Variants in NOD1 observed in about 807,000 individuals in gnomAD.
NOD1 encodes nucleotide-binding oligomerization domain-containing protein 1.
NOD1 carries 70 observed loss-of-function variants against 81.2 expected under a neutral mutation model. The observed-to-expected ratio is 0.86, with a 90% CI of 0.71 to 1.05. The LOEUF is 1.05. Among genes scored for constraint, NOD1 ranks in the 50% least tolerant of loss-of-function variants. The probability of loss-of-function intolerance (pLI) is 0.00; values close to 1 mark genes in which losing one functional copy is unlikely to be tolerated. For synonymous variants in NOD1, 508 were observed against 526.9 expected, an observed-to-expected ratio of 0.96 and a Z score of 0.49; for missense variants, 1,233 against 1,228.0, an observed-to-expected ratio of 1.00 and a Z score of -0.06.
intron 6 of NOD1, among the ~76,000 whole-genome samples, chr7:30,450,217 A>T (rs1190638324): frequency 6.6e-6 from 1 of 151,966 alleles, no homozygotes; most frequent in African/African-American, 2.4e-5. Context: ...AAAGATGGAC[A>T]GAGGGTGGCA....
chr7:30,430,950 G>A (rs1168301169), intron 12 of NOD1, among the ~76,000 whole-genome samples: 2 of 152,238 alleles, frequency 1.3e-5, no homozygotes, highest in Non-Finnish European at 2.9e-5. Flanking sequence ...TGGGCACCAA[G>A]TTCTGTATTC....
intron 10 of NOD1, among the ~76,000 whole-genome samples, chr7:30,436,995 C>A (rs1784433389): frequency 6.6e-6 from 1 of 152,064 alleles, no homozygotes; most frequent in African/African-American, 2.4e-5. Flanking sequence ...CAGTGATAGA[C>A]TGGATAAAGA....
At position 30,450,275 on chromosome 7, in the gene NOD1, G is replaced by C. The variant is rs576905258; in HGVS notation, c.2201+941C>G. The stretch of plus-strand genomic sequence containing the variant: ...CTACAGAGGGAGAGTCACTGGCTGA[G>C]AGTACAGAGAACAGACTCCAGGTTT... On this transcript the variant is annotated intron_variant, in intron 6 of 13. Coordinates refer to ENST00000222823, the MANE Select transcript of NOD1 (RefSeq NM_006092.4). Among the ~76,000 whole-genome samples, 3 of 152,164 alleles carry C rather than the reference G, an allele frequency of 2.0e-5. No homozygotes were observed. The South Asian group carries it at 6.2e-4, about 32-fold the overall frequency.
chr7:30,446,386 G>C, intron 8 of NOD1, 162 bp from the exon 9 acceptor site: 1 of 639,140 alleles, frequency 1.6e-6, no homozygotes, highest in Non-Finnish European at 2.8e-6. Flanking sequence ...GTCAGGGAGG[G>C]AACTGAAGCC....
rs1211543854 is a variant in NOD1, at chr7:30,452,106, C to T, written c.1311G>A (p.Gln437=). 1 of 1,613,798 alleles carries T rather than the reference C, an allele frequency of 6.2e-7. No individual in the cohort carries two copies. The highest frequency in any genetic ancestry group is 2.2e-5 in the East Asian group (1 of 44,878). ...LVTEVHLNRM[Q]PSSLVQRNTR... ...TGTTCCGCTGCACCAGGCTGCTGGGCTGCATCCTGTTCAGATGGACCTCAG... is the reference window on the plus strand; with the variant it reads ...TGTTCCGCTGCACCAGGCTGCTGGGTTGCATCCTGTTCAGATGGACCTCAG... The change falls in exon 6 of 14, where the codon CAG becomes CAA. Residue 437 remains glutamine, a synonymous_variant. Transcript: ENST00000222823.
chr7:30,462,888 G>A (rs1305043841), intron 1 of NOD1, among the ~76,000 whole-genome samples: 1 of 150,760 alleles, frequency 6.6e-6, no homozygotes, highest in Non-Finnish European at 1.5e-5. Flanking sequence ...GGCGGAGGTT[G>A]CAGCGAGCCA....
At chr7:30,476,522 A>G (rs1312917812) in intron 1 of NOD1, among the ~76,000 whole-genome samples, 1 of 152,240 alleles carries the variant, frequency 6.6e-6, no homozygotes, top group Non-Finnish European at 1.5e-5. Context: ...GCAAAACAGG[A>G]ACACCAAGGG....
intron 1 of NOD1, among the ~76,000 whole-genome samples, chr7:30,473,482 C>T (rs1788478527): frequency 1.3e-5 from 2 of 152,132 alleles, no homozygotes; most frequent in Non-Finnish European, 2.9e-5. Flanking sequence ...CTCAGTGCAT[C>T]GAGATGACAT....
Position 30,451,553 on chromosome 7 carries a change from C to G in NOD1, c.1864G>C (p.Ala622Pro). 1 of 1,613,180 alleles carries G rather than the reference C, an allele frequency of 6.2e-7. No individual in the cohort carries two copies. Among genetic ancestry groups the G allele is most frequent in the African/African-American group, 1.3e-5 (1 of 75,052 alleles). The stretch of plus-strand genomic sequence containing the variant: ...CCCCGCAGGCTGGAAAACAGGTGTG[C>G]CCACAGGGCCTTGCGCTTTCTCCTC... The part of the protein sequence containing the change: ...ALRRKRKALW[A>P]HLFSSLRGYL... Residue 622 changes from alanine (A) to proline (P), a missense_variant, in exon 6 of 14, where the codon GCA (alanine) becomes CCA (proline). Coordinates refer to ENST00000222823, the MANE Select transcript of NOD1 (RefSeq NM_006092.4). This position sits in a 1 kb window ranked among gnomAD's most constrained non-coding sequence, Gnocchi z 4.2.
At chr7:30,449,180 C>A (rs188126061) in intron 6 of NOD1, among the ~76,000 whole-genome samples, 1 of 152,282 alleles carries the variant, frequency 6.6e-6, no homozygotes, top group Non-Finnish European at 1.5e-5. Context: ...AAAGGCTGAA[C>A]AATTAAAAGC....
chr7:30,455,033 G>A lies in NOD1; in HGVS notation c.376+104C>T, dbSNP rs957628496. 22 of 1,106,398 alleles carry A rather than the reference G, an allele frequency of 2.0e-5. No individual in the cohort carries two copies. The East Asian group carries it at 4.0e-4, about 20-fold the overall frequency. The allele number at this position is 1,106,398 out of a possible 1,614,324, so 68.5% of individuals were successfully genotyped here. ...CTTTCTAAAATCAAAATAGCACCTG[G>A]GCCTGCTTCCTGAGGTGGCACTCAG... On this transcript the variant is annotated intron_variant, in intron 5 of 13. Transcript: ENST00000222823.
At chr7:30,473,980 C>G (rs188754310) in intron 1 of NOD1, among the ~76,000 whole-genome samples, 1 of 152,320 alleles carries the variant, frequency 6.6e-6, no homozygotes, top group East Asian at 1.9e-4. Flanking sequence ...AAACCCTAAA[C>G]TCTTAGACCA....
chr7:30,468,948 A>G, intron 1 of NOD1: 8 of 985,456 alleles, frequency 8.1e-6, no homozygotes, highest in Non-Finnish European at 9.6e-6. Flanking sequence ...AAGTTACCCA[A>G]CAGCAAGCTG....
intron 9 of NOD1, among the ~76,000 whole-genome samples, chr7:30,440,910 G>A (rs1468843033): frequency 1.2e-4 from 2 of 16,860 alleles, no homozygotes; most frequent in African/African-American, 3.3e-4. Flanking sequence ...CGGATCTCTC[G>A]GCAGAAACCC....
intron 12 of NOD1, 33 bp from the exon 13 acceptor site, chr7:30,429,490 T>A: frequency 6.3e-7 from 1 of 1,585,186 alleles, no homozygotes. Flanking sequence ...ATAAAATCCA[T>A]AATACTGGAT....
At chr7:30,445,360 T>G (rs1329568945) in intron 9 of NOD1, among the ~76,000 whole-genome samples, 1 of 150,380 alleles carries the variant, frequency 6.6e-6, no homozygotes. Flanking sequence ...GCAGCATTAT[T>G]CACAACAGCC....
In NOD1 at chr7:30,455,422, A is replaced by G. The variant is rs1435009726; in HGVS notation, c.202-111T>C. ...GCTCTGAGTTCTTAGTACAGCCGGT[A>G]GCTATGCCATCCCCCCAGCTGCTGT... is the stretch of plus-strand genomic sequence containing the variant. On this transcript the variant is annotated intron_variant, in intron 4 of 13. Coordinates refer to ENST00000222823, the MANE Select transcript of NOD1 (RefSeq NM_006092.4). 4.7e-5 allele frequency: 35 copies of G among 750,632 alleles called. 1 individual carries two copies. In the East Asian group the frequency reaches 8.8e-4, roughly 19 times the overall value. 46.5% of individuals were successfully genotyped at this position (750,632 alleles called of 1,614,324 possible).
chr7:30,475,608 G>C (rs557727897), intron 1 of NOD1, among the ~76,000 whole-genome samples: 18 of 152,208 alleles, frequency 1.2e-4, no homozygotes, highest in Non-Finnish European at 2.2e-4. Flanking sequence ...TCCCTTCAGA[G>C]TGGCATCATC....
intron 1 of NOD1, among the ~76,000 whole-genome samples, chr7:30,471,902 C>T (rs542154593): frequency 6.6e-6 from 1 of 152,230 alleles, no homozygotes; most frequent in Non-Finnish European, 1.5e-5. Context: ...TCCCAGAAAA[C>T]TACAGAGCAT....
Sources: allele counts gnomAD v4.1 joint callset (sites outside exome capture counted in the v4.1 genomes callset), GRCh38; gene constraint gnomAD v4.1.1; non-coding constraint Gnocchi (gnomAD v3.1); transcripts MANE v1.5; gene names NCBI Gene and HGNC (gene_info 2026-07-23, HGNC 2026-07-21).